Variants in HERC2 observed in about 807,000 individuals in gnomAD.
The protein encoded by HERC2 is E3 ubiquitin-protein ligase HERC2.
HERC2 carries 102 observed loss-of-function variants against 537.7 expected under a neutral mutation model. The observed-to-expected ratio is 0.19, with a 90% CI of 0.16 to 0.22. HERC2 has a LOEUF of 0.22. HERC2 is among the 10% of genes least tolerant of loss of function. HERC2 has a pLI of 1.00. For missense variants in HERC2, 4,236 were observed against 6,198.2 expected (o/e 0.68, Z 10.63); for synonymous variants, 2,224 against 2,466.2 (o/e 0.90, Z 2.91).
chr15:28,321,244 C>T (rs2077220812), intron 2 of HERC2, 118 bp downstream of exon 2: 5 of 642,196 alleles, frequency 7.8e-6, no homozygotes, highest in Non-Finnish European at 1.4e-5. Context: ...TAAACCTGCT[C>T]CTCTAATTCA....
At chr15:28,148,618 A>T (rs1341916087) in intron 70 of HERC2, among the ~76,000 whole-genome samples, 2 of 152,166 alleles carry the variant, frequency 1.3e-5, no homozygotes, top group Non-Finnish European at 2.9e-5. Context: ...ATCACCAAAA[A>T]AACACATGCG....
intron 19 of HERC2, among the ~76,000 whole-genome samples, chr15:28,255,010 A>C (rs765632028): frequency 6.6e-6 from 1 of 152,258 alleles, no homozygotes; most frequent in Non-Finnish European, 1.5e-5. Flanking sequence ...AAGTACTTGT[A>C]CACAGCACAA....
chr15:28,151,469 T>G (rs1489165182), intron 70 of HERC2, among the ~76,000 whole-genome samples: 2 of 151,998 alleles, frequency 1.3e-5, no homozygotes, highest in African/African-American at 2.4e-5. Flanking sequence ...ATCCTATCTC[T>G]AAACAAATAA....
chr15:28,157,728 G>T (rs1893159261), intron 69 of HERC2, among the ~76,000 whole-genome samples: 1 of 152,130 alleles, frequency 6.6e-6, no homozygotes, highest in African/African-American at 2.4e-5. Context: ...GGTTTTTTGT[G>T]TCTCTATCTC....
intron 2 of HERC2, among the ~76,000 whole-genome samples, chr15:28,301,728 T>C (rs1242493044): frequency 1.7e-5 from 1 of 57,444 alleles, no homozygotes; most frequent in Non-Finnish European, 2.9e-5. Context: ...ACTAGTTGTA[T>C]GTATGTGTAT....
Position 28,274,480 on chromosome 15 carries a change from C to T in HERC2, c.644-33G>A, listed in dbSNP as rs187234399. ...CACACACGCGTCAGAGGAGCCCCCC[C>T]ACTCCCCTCACTCTCCCGCTGGGCT... On this transcript the variant is annotated intron_variant, in intron 6 of 92. Transcript: ENST00000261609. The T allele has an allele frequency of 2.4e-5, 37 of 1,564,896 alleles. No individual in the cohort carries two copies. The African/African-American group carries it at 3.8e-4, about 16-fold the overall frequency.
At chr15:28,170,258 G>T (rs1054765929) in intron 65 of HERC2, among the ~76,000 whole-genome samples, 1 of 152,226 alleles carries the variant, frequency 6.6e-6, no homozygotes, top group Non-Finnish European at 1.5e-5. Context: ...AAATAAGGAG[G>T]AGGAATGAGT....
At position 28,269,292 on chromosome 15, in the gene HERC2, G is replaced by A. The variant is rs376167368; in HGVS notation, c.1402C>T (p.Arg468Cys). 84 of 1,614,016 alleles carry A rather than the reference G, an allele frequency of 5.2e-5. No individual in the cohort carries two copies. Among genetic ancestry groups the A allele is most frequent in the Non-Finnish European group, 6.4e-5 (75 of 1,180,014 alleles). Residue 468 changes from arginine (R) to cysteine (C), a missense_variant, in exon 11 of 93, where the codon CGC becomes TGC. By Grantham distance (180) the Arg-to-Cys change is radical. Around this residue, in one of 27 missense-constraint regions of HERC2, gnomAD observed 491 missense variants for 559.3 expected, o/e 0.88. Transcript: ENST00000261609. ...CAEKRFLILS[R>C]NGRVYTQAYN... Reference sequence around the variant, plus strand: ...GCCTGTGTGTACACGCGGCCATTGCGTGACAGAATCAGGAAACGCTTCTCT... The same window carrying A: ...GCCTGTGTGTACACGCGGCCATTGCATGACAGAATCAGGAAACGCTTCTCT...
At chr15:28,167,611 C>A in intron 68 of HERC2, 76 bp downstream of exon 68, 1 of 1,557,414 alleles carries the variant, frequency 6.4e-7, no homozygotes. Flanking sequence ...GTGTTCCACT[C>A]CTAAGTTCTA....
chr15:28,199,137 A>AC (rs370980764), intron 48 of HERC2, among the ~76,000 whole-genome samples: 3 of 151,110 alleles, frequency 2.0e-5, no homozygotes, highest in African/African-American at 7.3e-5. Flanking sequence ...ACAAAGTGAG[A>AC]CCCCATCTCA....
rs548081273 is a variant in HERC2 at position 28,135,690 on chromosome 15, C to T, written c.12018G>A (p.Leu4006=). The T allele has an allele frequency of 2.3e-4, 370 of 1,612,716 alleles. 7 individuals are homozygous for T. In the South Asian group the frequency reaches 3.8e-3, roughly 17 times the overall value. ...CACCTGCACCATACCCAGTGGCATACAGCTAAGAAAAGAAAAAGCAATAGT... is the reference window on the plus strand; with the variant it reads ...CACCTGCACCATACCCAGTGGCATATAGCTAAGAAAAGAAAAAGCAATAGT... ...TLFAVTADGK[L]YATGYGAGGR... is the part of the protein sequence containing the mutation. The change falls in exon 79 of 93, where the codon CTG becomes CTA. Residue 4006 remains leucine (L), a splice_region_variant and synonymous_variant. Coordinates refer to ENST00000261609, the MANE Select transcript of HERC2 (RefSeq NM_004667.6).
chr15:28,119,902 G>GA (rs1255747392), intron 86 of HERC2, among the ~76,000 whole-genome samples: 2 of 152,164 alleles, frequency 1.3e-5, no homozygotes, highest in African/African-American at 4.8e-5. Context: ...TACAAAGACA[G>GA]AAACAAGGGT....
intron 36 of HERC2, 71 bp downstream of exon 36, chr15:28,221,957 C>T (rs1900564214): frequency 9.6e-7 from 1 of 1,041,386 alleles, no homozygotes; most frequent in Non-Finnish European, 1.5e-6. Flanking sequence ...TTCCACCCAC[C>T]AATATCGTAC....
At chr15:28,304,539 T>C (rs2076727025) in intron 2 of HERC2, among the ~76,000 whole-genome samples, 1 of 151,870 alleles carries the variant, frequency 6.6e-6, no homozygotes, top group South Asian at 2.1e-4. Flanking sequence ...AGCTAATTTT[T>C]ATATTTTTAG....
chr15:28,282,801 G>A (rs1356481244), intron 4 of HERC2, among the ~76,000 whole-genome samples: 10 of 151,948 alleles, frequency 6.6e-5, no homozygotes, highest in African/African-American at 1.4e-4. Context: ...GCATGGTGGC[G>A]GGCACCTATA....
chr15:28,174,459 C>T lies in HERC2; in HGVS notation c.9993G>A (p.Thr3331=), dbSNP rs754278624. ...SVAWTTVDVA[T]PSVHEPVLFQ... ...AGAGGACGGGCTCGTGGACAGAGGG[C>T]GTGGCCACATCCACAGTTGTCCACG... The change falls in exon 65 of 93, where the codon ACG becomes ACA. Residue 3331 remains threonine, a synonymous_variant. Coordinates refer to ENST00000261609, the MANE Select transcript of HERC2 (RefSeq NM_004667.6). 2.2e-5 allele frequency: 35 copies of T among 1,613,592 alleles called. No homozygotes were observed. The highest frequency in any genetic ancestry group is 4.5e-5 in the East Asian group (2 of 44,906).
chr15:28,178,863 G>A, intron 59 of HERC2, 24 bp downstream of exon 59: 3 of 1,608,140 alleles, frequency 1.9e-6, no homozygotes, highest in Non-Finnish European at 2.5e-6. Context: ...GCCCCGCACA[G>A]GCCTCCTGGT....
At position 28,238,751 on chromosome 15, in the gene HERC2, T is replaced by C. The variant is rs1272406718; in HGVS notation, c.3599A>G (p.Asn1200Ser). ...TGTCACTTCCTCATTATTTCTACAGTTCTGACCTGTAAAAAATGACTCTGT... is the reference window on the plus strand; with the variant it reads ...TGTCACTTCCTCATTATTTCTACAGCTCTGACCTGTAAAAAATGACTCTGT... ...GIMESFFTGQNCRNNEEVTLI... is the reference protein window; with the variant it reads ...GIMESFFTGQSCRNNEEVTLI... Residue 1200 changes from asparagine (N) to serine (S), a missense_variant, in exon 24 of 93, where the codon AAC becomes AGC. Coordinates refer to ENST00000261609, the MANE Select transcript of HERC2 (RefSeq NM_004667.6). 6.2e-7 allele frequency: 1 copy of C among 1,610,940 alleles called. No homozygotes were observed. The highest frequency in any genetic ancestry group is 1.7e-5 in the Admixed American group (1 of 60,016).
In HERC2 at chr15:28,113,047, C is replaced by G; in HGVS notation, c.14232+24G>C. 1 of 1,604,264 alleles carries G rather than the reference C, an allele frequency of 6.2e-7. No individual in the cohort carries two copies. The highest frequency in any genetic ancestry group is 8.5e-7 in the Non-Finnish European group (1 of 1,174,168). On this transcript the variant is annotated intron_variant, in intron 92 of 92. Coordinates refer to ENST00000261609, the MANE Select transcript of HERC2 (RefSeq NM_004667.6). This position sits in a 1 kb window ranked among gnomAD's most constrained non-coding sequence, Gnocchi z 7.0. ...CCGTCGGCCGACATCAGCCCAGGGC[C>G]GGCAAGCCCAGCCAGGAGCCTACCT... is the stretch of plus-strand genomic sequence containing the variant.
Sources: allele counts gnomAD v4.1 joint callset (sites outside exome capture counted in the v4.1 genomes callset), GRCh38; gene constraint gnomAD v4.1.1; regional missense constraint gnomAD v4.1.1; non-coding constraint Gnocchi (gnomAD v3.1); transcripts MANE v1.5; gene names NCBI Gene and HGNC (gene_info 2026-07-23, HGNC 2026-07-21).